CCDC141: variants seen among roughly 807,000 people sequenced by gnomAD.
CCDC141 encodes the protein coiled-coil domain containing 141.
CCDC141 carries 168 observed loss-of-function variants against 181.0 expected under a neutral mutation model. The observed-to-expected ratio is 0.93, with a 90% confidence interval of 0.82 to 1.05. CCDC141 has a LOEUF of 1.05. Among genes scored for constraint, CCDC141 ranks in the 50% least tolerant of loss-of-function variants. The pLI, the probability that CCDC141 is intolerant of heterozygous loss-of-function variation, is 0.00. For synonymous variants in CCDC141, 666 were observed against 642.3 expected (o/e 1.04, Z -0.56); for missense variants, 1,902 against 1,788.5 (o/e 1.06, Z -1.14).
Position 178,986,851 on chromosome 2 carries a change from ATGGGT to A in CCDC141, c.226-8181_226-8177del, listed in dbSNP as rs1490260364. Among the ~76,000 whole-genome samples the A allele has an allele frequency of 1.3e-4, 20 of 151,174 alleles. No homozygotes were observed. In the East Asian group the frequency reaches 3.7e-3, roughly 28 times the overall value. ...ACAAATGGAAGAACATTCCATGCTC[ATGGGT>A]AGGAAGAATCAATATCGTGAAAATG... On this transcript the variant is annotated intron_variant, in intron 2 of 23. Transcript: ENST00000443758.
chr2:178,845,016 T>G (rs986629892), intron 22 of CCDC141, among the ~76,000 whole-genome samples: 1 of 152,220 alleles, frequency 6.6e-6, no homozygotes, highest in African/African-American at 2.4e-5. Flanking sequence ...TTTGCATTTT[T>G]GTGAGTATCT....
In CCDC141 at chr2:178,830,382, G is replaced by C. The variant is rs1354961799; in HGVS notation, c.*3791C>G. Reference sequence around the variant, plus strand: ...CACAAGTTTTGCAGATGAGGTGAGAGATTTTCATGAGTGCTTCATTGTTAG... The same window carrying C: ...CACAAGTTTTGCAGATGAGGTGAGACATTTTCATGAGTGCTTCATTGTTAG... On this transcript the variant is annotated 3_prime_UTR_variant, in exon 24 of 24. Transcript: ENST00000443758. 1 of 152,202 alleles carries C rather than the reference G, an allele frequency of 6.6e-6. No individual in the cohort carries two copies. Among genetic ancestry groups the C allele is most frequent in the Non-Finnish European group, 1.5e-5 (1 of 68,034 alleles). The allele number at this position is 152,202 out of a possible 1,614,324, so 9.4% of individuals were successfully genotyped here.
At chr2:178,815,599 G>A in the CCDC141 span, among the ~76,000 whole-genome samples, 1 of 152,096 alleles carries the variant, frequency 6.6e-6, no homozygotes, top group South Asian at 2.1e-4. Flanking sequence ...TTGGCTCCAG[G>A]ACCCCCTAAC....
intron 2 of CCDC141, among the ~76,000 whole-genome samples, chr2:179,013,070 C>A (rs1209728178): frequency 6.6e-6 from 1 of 152,092 alleles, no homozygotes; most frequent in East Asian, 1.9e-4. Context: ...CAAAAATGCC[C>A]ATTCTCACCA....
downstream of CCDC141, among the ~76,000 whole-genome samples, chr2:178,828,213 G>A (rs554936133): frequency 7.6e-4 from 116 of 152,258 alleles, no homozygotes; most frequent in African/African-American, 2.6e-3. Context: ...TTCTCGGGGA[G>A]TTCCCTAAAA....
At position 178,837,529 on chromosome 2, in the gene CCDC141, A is replaced by T. The variant is rs1360339191; in HGVS notation, c.3690T>A (p.Ser1230=). 49 of 1,613,890 alleles carry T rather than the reference A, an allele frequency of 3.0e-5. No homozygotes were observed. Among genetic ancestry groups the T allele is most frequent in the Non-Finnish European group, 4.0e-5 (47 of 1,179,962 alleles). Residue 1230 remains serine (S), a synonymous_variant, in exon 23 of 24, where the codon TCT becomes TCA. Coordinates refer to ENST00000443758, the MANE Select transcript of CCDC141 (RefSeq NM_173648.4). ...TGACAGGCTCTTCCACCTCCATGTC[A>T]GATGGTGCAAGAGGGGACTCAGGGC... ...PGSPESPLAP[S]DMEVEEPVSS...
At chr2:179,011,782 A>G (rs62175986) in intron 2 of CCDC141, among the ~76,000 whole-genome samples, 13,114 of 152,244 alleles carry the variant, frequency 0.086, 747 homozygotes, top group Admixed American at 0.17. Flanking sequence ...ACTCTCCCAG[A>G]CAACAGTGGA....
chr2:178,948,318 T>C (rs755079626), intron 5 of CCDC141, among the ~76,000 whole-genome samples: 1 of 152,212 alleles, frequency 6.6e-6, no homozygotes, highest in African/African-American at 2.4e-5. Context: ...ACTTTTTAAT[T>C]TTTTACTTTT....
intron 6 of CCDC141, among the ~76,000 whole-genome samples, chr2:178,922,246 A>T (rs1305671265): frequency 6.6e-6 from 1 of 152,174 alleles, no homozygotes; most frequent in African/African-American, 2.4e-5. Context: ...TCATATCCTT[A>T]TGAGGTAGGA....
At position 178,978,532 on chromosome 2, in the gene CCDC141, T is replaced by A. The variant is rs1297786987; in HGVS notation, c.369A>T (p.Arg123Ser). The A allele has an allele frequency of 1.9e-6, 3 of 1,539,814 alleles. No individual in the cohort carries two copies. The African/African-American group carries it at 4.1e-5, about 21-fold the overall frequency. ...WAALVSMLER[R>S]TELLRLTSEF... Reference sequence around the variant, plus strand: ...CAGAAGTCAACCTAAGGAGCTCTGTTCTTCTTTCAAGCATGGACACCAGAG... The same window carrying A: ...CAGAAGTCAACCTAAGGAGCTCTGTACTTCTTTCAAGCATGGACACCAGAG... The change falls in exon 3 of 24, where the codon AGA becomes AGT. Residue 123 changes from arginine to serine, a missense_variant. Transcript: ENST00000443758.
intron 2 of CCDC141, among the ~76,000 whole-genome samples, chr2:179,039,836 ATTGG>A (rs2043246563): frequency 6.6e-6 from 1 of 152,318 alleles, no homozygotes; most frequent in South Asian, 2.1e-4. Flanking sequence ...TAGCTAGTAA[ATTGG>A]TTGAATTTAT....
chr2:178,980,985 G>A lies in CCDC141; in HGVS notation c.226-2310C>T, dbSNP rs532682441. Among the ~76,000 whole-genome samples, 3 of 152,244 alleles carry A rather than the reference G, an allele frequency of 2.0e-5. No homozygotes were observed. In the South Asian group the frequency reaches 6.2e-4, roughly 32 times the overall value. The stretch of plus-strand genomic sequence containing the variant: ...CTACACAGAGAATATTTTAGAGCCA[G>A]GAATATTATTTGAGACTAAGATGGG... On this transcript the variant is annotated intron_variant, in intron 2 of 23. Coordinates refer to ENST00000443758, the MANE Select transcript of CCDC141 (RefSeq NM_173648.4).
downstream of CCDC141, among the ~76,000 whole-genome samples, chr2:178,829,447 A>G (rs1450356440): frequency 1.3e-5 from 2 of 152,206 alleles, no homozygotes; most frequent in African/African-American, 2.4e-5. Flanking sequence ...TGATGCTCAG[A>G]TGGTTCATGA....
intron 2 of CCDC141, among the ~76,000 whole-genome samples, chr2:178,995,634 T>C (rs2154382830): frequency 6.6e-6 from 1 of 152,302 alleles, no homozygotes; most frequent in Middle Eastern, 3.4e-3. Context: ...GACTGATAAT[T>C]TCAGAGCTAA....
intron 2 of CCDC141, among the ~76,000 whole-genome samples, chr2:179,003,886 C>G (rs140972219): frequency 6.6e-6 from 1 of 151,912 alleles, no homozygotes; most frequent in African/African-American, 2.4e-5. Context: ...AGAATAAAAA[C>G]GCAATCATTC....
Position 178,941,691 on chromosome 2 carries a change from G to A in CCDC141, c.897+2844C>T, listed in dbSNP as rs1689518357. Among the ~76,000 whole-genome samples the A allele has an allele frequency of 2.0e-5, 3 of 151,750 alleles. No individual in the cohort carries two copies. The South Asian group carries it at 6.3e-4, about 32-fold the overall frequency. On this transcript the variant is annotated intron_variant, in intron 6 of 23. Transcript: ENST00000443758. ...AAATTTGCCAGGTATGAGAGTTCATGCCTGTAATCCCAGCACTTTAGAAGG... is the reference window on the plus strand; with the variant it reads ...AAATTTGCCAGGTATGAGAGTTCATACCTGTAATCCCAGCACTTTAGAAGG...
intron 4 of CCDC141, among the ~76,000 whole-genome samples, chr2:178,963,801 C>T (rs750910102): frequency 6.6e-5 from 10 of 152,088 alleles, no homozygotes; most frequent in Non-Finnish European, 1.5e-4. Flanking sequence ...CTAGTAGTAT[C>T]TGCTCAGAAT....
Position 178,920,781 on chromosome 2 carries a change from G to A in CCDC141, c.898-1874C>T, listed in dbSNP as rs1481259927. On this transcript the variant is annotated intron_variant, in intron 6 of 23. Coordinates refer to ENST00000443758, the MANE Select transcript of CCDC141 (RefSeq NM_173648.4). ...ATTAGCAGATGTTAAGATAGAAACT[G>A]TACATATTATTTTGTGGTGTCCATG... Among the ~76,000 whole-genome samples the A allele has an allele frequency of 3.3e-5, 5 of 151,834 alleles. No homozygotes were observed. The East Asian group carries it at 9.6e-4, about 29-fold the overall frequency.
chr2:178,950,928 T>C (rs1689928374), intron 5 of CCDC141, among the ~76,000 whole-genome samples: 1 of 152,174 alleles, frequency 6.6e-6, no homozygotes, highest in East Asian at 1.9e-4. Flanking sequence ...CTATATTTCA[T>C]GAAAAAATGG....
Sources: gnomAD v4.1 joint callset for allele counts (sites outside exome capture counted in the v4.1 genomes callset) on GRCh38, gnomAD v4.1.1 for gene constraint, MANE v1.5 for transcripts, NCBI Gene and HGNC (gene_info 2026-07-23, HGNC 2026-07-21) for gene names.